MTUS2: variants seen among roughly 807,000 people sequenced by gnomAD.
The protein encoded by MTUS2 is microtubule-associated tumor suppressor candidate 2.
In MTUS2, 40 loss-of-function variants were observed where a neutral mutation model predicts 114.1. That is an observed-to-expected ratio of 0.35 (90% CI 0.27 to 0.46). The LOEUF (loss-of-function observed/expected upper bound fraction) is 0.46. Ranked by LOEUF, MTUS2 falls within the 20% of genes least tolerant of loss-of-function variation. The probability of loss-of-function intolerance (pLI) is 1.00; values close to 1 mark genes in which losing one functional copy is unlikely to be tolerated. For missense variants in MTUS2, 1,679 were observed against 1,705.4 expected (o/e 0.98, Z 0.27); for synonymous variants, 688 against 672.0 (o/e 1.02, Z -0.37).
chr13:29,383,250 G>GTATATATATATATTTATTTATTTA (rs763660299), intron 8 of MTUS2, among the ~76,000 whole-genome samples: 72 of 64,464 alleles, frequency 1.1e-3, no homozygotes, highest in East Asian at 8.9e-3. Context: ...GTGTGTGTGT[G>GTATATATATATATTTATTTATTTA]TGTATTTATT....
intron 2 of MTUS2, among the ~76,000 whole-genome samples, chr13:29,002,500 A>G (rs1349335610): frequency 2.0e-5 from 3 of 152,228 alleles, no homozygotes; most frequent in South Asian, 2.1e-4. Flanking sequence ...GAAAATAGGA[A>G]AAGTTCTATT....
At chr13:29,354,813 A>G (rs2138201492) in intron 7 of MTUS2, among the ~76,000 whole-genome samples, 1 of 152,264 alleles carries the variant, frequency 6.6e-6, no homozygotes, top group Admixed American at 6.5e-5. Context: ...ACTGGGCAAA[A>G]TTTTTTGAAA....
chr13:29,195,650 C>T (rs913037735), intron 5 of MTUS2, among the ~76,000 whole-genome samples: 12 of 151,662 alleles, frequency 7.9e-5, no homozygotes, highest in African/African-American at 1.5e-4. Context: ...GAAAGCCAGA[C>T]GCCCTGTGGA....
At chr13:29,012,323 T>G (rs1398543516) in intron 2 of MTUS2, among the ~76,000 whole-genome samples, 1 of 152,090 alleles carries the variant, frequency 6.6e-6, no homozygotes, top group East Asian at 1.9e-4. Flanking sequence ...GGGAATCAGC[T>G]GCCCTCCCTG....
intron 8 of MTUS2, among the ~76,000 whole-genome samples, chr13:29,377,925 G>A (rs1051321316): frequency 6.6e-6 from 1 of 152,192 alleles, no homozygotes; most frequent in Non-Finnish European, 1.5e-5. Context: ...TGGAAGAGAG[G>A]CTATCCCTGC....
chr13:29,468,081 T>A lies in MTUS2; in HGVS notation c.3185-12069T>A, dbSNP rs547280640. On this transcript the variant is annotated intron_variant, in intron 9 of 15. Coordinates refer to ENST00000612955, the MANE Select transcript of MTUS2 (RefSeq NM_001033602.4). Reference sequence around the variant, plus strand: ...CTACATTGAGCTATGATCACACCACTGCACTCCAGCCTTGGTGACAGAGGG... The same window carrying A: ...CTACATTGAGCTATGATCACACCACAGCACTCCAGCCTTGGTGACAGAGGG... Among the ~76,000 whole-genome samples the A allele has an allele frequency of 1.0e-3, 157 of 152,012 alleles. 3 individuals carry two copies. The South Asian group carries it at 0.032, about 31-fold the overall frequency.
At chr13:29,067,459 A>G (rs903245521) in intron 4 of MTUS2, among the ~76,000 whole-genome samples, 1 of 152,122 alleles carries the variant, frequency 6.6e-6, no homozygotes, top group South Asian at 2.1e-4. Flanking sequence ...AAATACAGAG[A>G]GGCTGTTGGG....
rs1442441715 is a variant in MTUS2, at chr13:29,122,565, T to C, written c.2644+21595T>C. Among the ~76,000 whole-genome samples, 7 of 150,878 alleles carry C rather than the reference T, an allele frequency of 4.6e-5. No homozygotes were observed. The South Asian group carries it at 1.2e-3, about 27-fold the overall frequency. ...CTCTCACTGGGGCCCTCCCATGACA[T>C]GTGGGAATTGTGGGAACTACAATTC... On this transcript the variant is annotated intron_variant, in intron 5 of 15. Transcript: ENST00000612955.
intron 2 of MTUS2, among the ~76,000 whole-genome samples, chr13:28,985,577 A>T (rs1203004143): frequency 3.6e-4 from 53 of 145,882 alleles, no homozygotes; most frequent in African/African-American, 7.4e-4. Flanking sequence ...TTTTTTTTTT[A>T]AAAAGCTTTA....
intron 5 of MTUS2, among the ~76,000 whole-genome samples, chr13:29,127,186 C>G (rs188241758): frequency 3.3e-5 from 5 of 152,306 alleles, no homozygotes; most frequent in Admixed American, 6.5e-5. Flanking sequence ...TACCTGATAT[C>G]ATGCCCCCTC....
chr13:29,025,532 C>G lies in MTUS2; in HGVS notation c.834C>G (p.Ala278=). Residue 278 remains alanine (A), a synonymous_variant, in exon 3 of 16, where the codon GCC becomes GCG. Transcript: ENST00000612955. ...QVCSEHTSHS[A]HPEPALNLTL... is the part of the protein sequence containing the mutation. ...GCAGTGAGCACACATCACATTCCGC[C>G]CATCCAGAGCCTGCTCTGAATTTGA... 1 of 1,613,752 alleles carries G rather than the reference C, an allele frequency of 6.2e-7. No homozygotes were observed. The highest frequency in any genetic ancestry group is 8.5e-7 in the Non-Finnish European group (1 of 1,179,782).
At chr13:29,113,699 T>G (rs1052604529) in intron 5 of MTUS2, among the ~76,000 whole-genome samples, 17 of 152,134 alleles carry the variant, frequency 1.1e-4, no homozygotes, top group Admixed American at 1.0e-3. Flanking sequence ...TAACAATACT[T>G]CTTACAGCAG....
intron 6 of MTUS2, among the ~76,000 whole-genome samples, chr13:29,319,668 C>CT (rs1900170589): frequency 6.6e-6 from 1 of 152,138 alleles, no homozygotes; most frequent in Non-Finnish European, 1.5e-5. Flanking sequence ...GGCCGCTACT[C>CT]TGACCACATG....
At chr13:29,416,422 A>G (rs1052882480) in intron 8 of MTUS2, among the ~76,000 whole-genome samples, 3 of 151,194 alleles carry the variant, frequency 2.0e-5, no homozygotes, top group African/African-American at 4.8e-5. Flanking sequence ...ATCTATAATT[A>G]TATATAACAT....
chr13:29,317,419 G>GCT lies in MTUS2; in HGVS notation c.2807-7181_2807-7180dup, dbSNP rs1432620164. Among the ~76,000 whole-genome samples the GCT allele has an allele frequency of 3.2e-5, 4 of 123,644 alleles. 1 individual carries two copies. The highest frequency in any genetic ancestry group is 1.8e-4 in the Admixed American group (2 of 11,124). The allele number at this position is 123,644 out of a possible 152,430, so 81.1% of individuals were successfully genotyped here. ...CTCTCCTGAGTTCGCTTGTGCGCGC[G>GCT]CTCTCTCTCTCTCTTTTTTTTTTTT... is the stretch of plus-strand genomic sequence containing the variant. On this transcript the variant is annotated intron_variant, in intron 6 of 15. Transcript: ENST00000612955.
At chr13:29,189,560 GA>G (rs1037906836) in intron 5 of MTUS2, among the ~76,000 whole-genome samples, 4 of 151,228 alleles carry the variant, frequency 2.6e-5, no homozygotes, top group Admixed American at 1.3e-4. Context: ...AAATGAACCA[GA>G]AAAAAAAGAC....
intron 6 of MTUS2, among the ~76,000 whole-genome samples, chr13:29,315,067 G>A (rs947728036): frequency 7.9e-5 from 12 of 152,178 alleles, no homozygotes; most frequent in African/African-American, 2.9e-4. Context: ...AAATAAGCCA[G>A]GCACGGAAAG....
At chr13:28,948,573 T>A (rs1882652462) in intron 2 of MTUS2, among the ~76,000 whole-genome samples, 1 of 152,176 alleles carries the variant, frequency 6.6e-6, no homozygotes, top group South Asian at 2.1e-4. Context: ...TTTCTAAGAT[T>A]TTTCCCCCTT....
chr13:29,333,418 A>C (rs936812527), intron 7 of MTUS2, among the ~76,000 whole-genome samples: 8 of 151,832 alleles, frequency 5.3e-5, no homozygotes, highest in Admixed American at 2.0e-4. Flanking sequence ...GCTGGTCTCT[A>C]ACACCCTACC....
Sources: allele counts gnomAD v4.1 joint callset (sites outside exome capture counted in the v4.1 genomes callset), GRCh38; gene constraint gnomAD v4.1.1; transcripts MANE v1.5; gene names NCBI Gene and HGNC (gene_info 2026-07-23, HGNC 2026-07-21).